Variants in GRIK1 observed in about 807,000 individuals in gnomAD.
The protein encoded by GRIK1 is glutamate receptor ionotropic, kainate 1.
GRIK1 carries 69 observed loss-of-function variants against 105.7 expected under a neutral mutation model. That is an observed-to-expected ratio of 0.65 (90% CI 0.54 to 0.80). The LOEUF (loss-of-function observed/expected upper bound fraction) is 0.80, where lower values mean the gene tolerates loss of function less well. Among genes scored for constraint, GRIK1 ranks in the 30% least tolerant of loss-of-function variants. GRIK1 has a pLI of 0.00. For missense variants in GRIK1, 1,109 were observed against 1,167.3 expected (o/e 0.95, Z 0.73); for synonymous variants, 438 against 431.3 (o/e 1.02, Z -0.19).
At chr21:29,680,834 T>C (rs529140214) in intron 3 of GRIK1, among the ~76,000 whole-genome samples, 13 of 152,270 alleles carry the variant, frequency 8.5e-5, no homozygotes, top group Admixed American at 4.6e-4. Flanking sequence ...GGTATGTATA[T>C]ATAGAAATAA....
chr21:29,740,496 G>A (rs1416420456), intron 1 of GRIK1, among the ~76,000 whole-genome samples: 3 of 152,148 alleles, frequency 2.0e-5, no homozygotes, highest in South Asian at 2.1e-4. Context: ...GATTTCAGGC[G>A]TGAGCCATCG....
intron 9 of GRIK1, among the ~76,000 whole-genome samples, chr21:29,591,869 T>A (rs1461760750): frequency 6.6e-6 from 1 of 151,406 alleles, no homozygotes; most frequent in African/African-American, 2.4e-5. Flanking sequence ...GGCAACAGAG[T>A]GAGACCCGAT....
intron 5 of GRIK1, among the ~76,000 whole-genome samples, 163 bp downstream of exon 5, chr21:29,654,647 A>AAAG (rs1555859779): frequency 2.0e-5 from 3 of 148,734 alleles, no homozygotes; most frequent in Non-Finnish European, 4.5e-5. Context: ...AAGAAAGAAA[A>AAAG]AAAGCCTGCT....
intron 1 of GRIK1, among the ~76,000 whole-genome samples, chr21:29,924,228 C>T (rs2146334541): frequency 6.6e-6 from 1 of 151,472 alleles, no homozygotes; most frequent in South Asian, 2.1e-4. Flanking sequence ...ATCCCAGCTA[C>T]TCAGGAGACT....
At chr21:29,848,779 A>ATATATTTTTTTT in intron 1 of GRIK1, among the ~76,000 whole-genome samples, 5 of 77,866 alleles carry the variant, frequency 6.4e-5, no homozygotes, top group Admixed American at 3.5e-4. Flanking sequence ...ATATATATAT[A>ATATATTTTTTTT]TTTTTTTTTT....
intron 1 of GRIK1, among the ~76,000 whole-genome samples, chr21:29,822,123 A>G (rs2067322199): frequency 6.6e-6 from 1 of 152,076 alleles, no homozygotes; most frequent in Admixed American, 6.6e-5. Context: ...AGGCATCAGG[A>G]AAGTGTTTCT....
At chr21:29,626,780 C>T (rs1272430172) in intron 7 of GRIK1, among the ~76,000 whole-genome samples, 1 of 152,170 alleles carries the variant, frequency 6.6e-6, no homozygotes, top group Admixed American at 6.6e-5. Context: ...GAAGAACAAT[C>T]AGTTATACTA....
intron 1 of GRIK1, among the ~76,000 whole-genome samples, chr21:29,712,463 G>A (rs999921361): frequency 4.6e-5 from 7 of 151,804 alleles, no homozygotes; most frequent in Non-Finnish European, 1.0e-4. Flanking sequence ...TCACCTAATT[G>A]TCTTCTAGAA....
intron 8 of GRIK1, among the ~76,000 whole-genome samples, chr21:29,598,455 G>A (rs998687109): frequency 1.3e-5 from 2 of 152,122 alleles, no homozygotes; most frequent in Admixed American, 6.6e-5. Context: ...GGTAACCCTT[G>A]GATGCCATTC....
intron 1 of GRIK1, among the ~76,000 whole-genome samples, chr21:29,870,711 A>C (rs992667638): frequency 6.6e-6 from 1 of 151,992 alleles, no homozygotes; most frequent in Admixed American, 6.6e-5. Context: ...TTCATACTTC[A>C]CTTAGCTTTT....
intron 3 of GRIK1, among the ~76,000 whole-genome samples, chr21:29,687,070 G>A (rs1393916590): frequency 2.0e-5 from 3 of 152,210 alleles, no homozygotes. Context: ...GTTCTCCAGA[G>A]TCTTTCGACA....
intron 3 of GRIK1, among the ~76,000 whole-genome samples, chr21:29,688,288 T>C (rs114188005): frequency 6.6e-6 from 1 of 152,314 alleles, no homozygotes; most frequent in African/African-American, 2.4e-5. Flanking sequence ...CCAACCACAC[T>C]CGTCACTTTT....
chr21:29,645,861 C>A (rs749550014), intron 6 of GRIK1, among the ~76,000 whole-genome samples: 1 of 152,106 alleles, frequency 6.6e-6, no homozygotes, highest in South Asian at 2.1e-4. Context: ...CTAAGAAAAT[C>A]TTTTTACCAC....
chr21:29,888,398 G>T (rs952134591), intron 1 of GRIK1, among the ~76,000 whole-genome samples: 1 of 150,534 alleles, frequency 6.6e-6, no homozygotes, highest in African/African-American at 2.4e-5. Flanking sequence ...CTCAGTAGCT[G>T]GGACTACAGA....
At chr21:29,875,607 T>G (rs556456086) in intron 1 of GRIK1, among the ~76,000 whole-genome samples, 47 of 152,250 alleles carry the variant, frequency 3.1e-4, no homozygotes, top group African/African-American at 1.1e-3. Context: ...TCTCCTCTTT[T>G]TTCCCCCTTC....
At position 29,669,273 on chromosome 21, in the gene GRIK1, C is replaced by A. The variant is rs186494581; in HGVS notation, c.726+3710G>T. Among the ~76,000 whole-genome samples, 553 of 152,172 alleles carry A rather than the reference C, an allele frequency of 3.6e-3. 8 individuals carry two copies. Among genetic ancestry groups the A allele is most frequent in the African/African-American group, 0.013 (526 of 41,526 alleles). On this transcript the variant is annotated intron_variant, in intron 4 of 17. Transcript: ENST00000327783. ...ATCTTTAAAGTGCCTTTGATTTCTTCTTTTCTGAAGAATCATTAAAAGGTG... is the reference window on the plus strand; with the variant it reads ...ATCTTTAAAGTGCCTTTGATTTCTTATTTTCTGAAGAATCATTAAAAGGTG...
At chr21:29,697,198 T>C in intron 1 of GRIK1, among the ~76,000 whole-genome samples, 1 of 152,212 alleles carries the variant, frequency 6.6e-6, no homozygotes, top group Non-Finnish European at 1.5e-5. Context: ...CCTTGGAGAA[T>C]TGCTCTATAA....
intron 1 of GRIK1, among the ~76,000 whole-genome samples, chr21:29,803,291 T>A (rs1299395124): frequency 2.0e-5 from 3 of 152,146 alleles, no homozygotes; most frequent in Admixed American, 6.6e-5. Context: ...AATGCCATAG[T>A]TATGGTTGCT....
chr21:29,794,295 T>G (rs188398340), intron 1 of GRIK1, among the ~76,000 whole-genome samples: 2 of 152,314 alleles, frequency 1.3e-5, no homozygotes, highest in African/African-American at 2.4e-5. Context: ...ATTATTAAAT[T>G]AATGGAGAAA....
Sources: gnomAD v4.1 joint callset for allele counts (sites outside exome capture counted in the v4.1 genomes callset) on GRCh38, gnomAD v4.1.1 for gene constraint, MANE v1.5 for transcripts, NCBI Gene and HGNC (gene_info 2026-07-23, HGNC 2026-07-21) for gene names.